Variants in NEMP2 observed in about 807,000 individuals in gnomAD.
NEMP2 encodes the protein UPF0571 transmembrane protein.
In NEMP2, 53 loss-of-function variants were observed where a neutral mutation model predicts 54.2. The ratio of observed to expected loss-of-function variants is 0.98; its 90% CI spans 0.78 to 1.23. NEMP2 has a LOEUF of 1.23. Among genes scored for constraint, NEMP2 ranks in the 50% most tolerant of loss-of-function variants. The pLI is 0.00. For synonymous variants in NEMP2, 197 were observed against 190.3 expected (o/e 1.04, Z -0.29); for missense variants, 455 against 511.3 (o/e 0.89, Z 1.06).
chr2:190,472,496 G>T, the NEMP2 span, among the ~76,000 whole-genome samples: 1 of 152,170 alleles, frequency 6.6e-6, no homozygotes, highest in Non-Finnish European at 1.5e-5. Flanking sequence ...AGTGATGGAA[G>T]ATCAAATGAA....
At chr2:190,436,161 A>G in the NEMP2 span, 1 of 1,614,224 alleles carries the variant, frequency 6.2e-7, no homozygotes, top group Non-Finnish European at 8.5e-7. This position sits in a 1 kb window ranked among gnomAD's most constrained non-coding sequence, Gnocchi z 5.3. Context: ...CTTCCTCCAC[A>G]GAAACATCTG....
chr2:190,426,150 C>CT, the NEMP2 span, among the ~76,000 whole-genome samples: 268 of 152,222 alleles, frequency 1.8e-3, no homozygotes, highest in African/African-American at 6.2e-3. The surrounding 1 kb of genome is among the most constrained non-coding windows in gnomAD (Gnocchi z 4.7). Flanking sequence ...TTTTCACTCC[C>CT]TTTTTTTCTC....
In NEMP2 at chr2:190,525,376, G is replaced by A. The variant is rs1046582006; in HGVS notation, c.100C>T (p.Arg34Cys). The change falls in exon 2 of 9, where the codon CGT (arginine) becomes TGT (cysteine). Residue 34 changes from arginine to cysteine, a missense_variant and splice_region_variant. Physicochemically the swap from Arg to Cys is radical, Grantham distance 180. Coordinates refer to ENST00000409150, the MANE Select transcript of NEMP2 (RefSeq NM_001142645.2). The surrounding 1 kb of genome is among the most constrained non-coding windows in gnomAD (Gnocchi z 5.0). ...GEAAAAALSV[R>C]RCKALKEKDL... Reference sequence around the variant, plus strand: ...TTTTCCTTCAAAGCTTTACACCTACGAACTGAGAGATGGAAAAGGGAATGC... The same window carrying A: ...TTTTCCTTCAAAGCTTTACACCTACAAACTGAGAGATGGAAAAGGGAATGC... 8.7e-6 allele frequency: 13 copies of A among 1,497,842 alleles called. No homozygotes were observed. Among genetic ancestry groups the A allele is most frequent in the African/African-American group, 7.0e-5 (5 of 71,782 alleles). The allele number at this position is 1,497,842 out of a possible 1,614,324, so 92.8% of individuals were successfully genotyped here.
rs1052308079 is a variant in NEMP2, at chr2:190,512,645, G to A, written c.953+1808C>T. Among the ~76,000 whole-genome samples, 4 of 152,324 alleles carry A rather than the reference G, an allele frequency of 2.6e-5. No homozygotes were observed. Among genetic ancestry groups the A allele is most frequent in the Non-Finnish European group, 5.9e-5 (4 of 68,018 alleles). ...TTGGCAGGGAGCTGGATGGTTAAAG[G>A]GAAGGAAGAAGGAACTCTATCCTGA... On this transcript the variant is annotated intron_variant, in intron 7 of 8. Coordinates refer to ENST00000409150, the MANE Select transcript of NEMP2 (RefSeq NM_001142645.2). This position sits in a 1 kb window ranked among gnomAD's most constrained non-coding sequence, Gnocchi z 4.5.
chr2:190,619,020 T>A, the NEMP2 span, among the ~76,000 whole-genome samples: 1 of 152,346 alleles, frequency 6.6e-6, no homozygotes, highest in South Asian at 2.1e-4. The surrounding 1 kb of genome is among the most constrained non-coding windows in gnomAD (Gnocchi z 5.5). Flanking sequence ...CAGAGAATAA[T>A]CTCTCTTCTA....
At position 190,510,255 on chromosome 2, in the gene NEMP2, A is replaced by G; in HGVS notation, c.1130+106T>C. On this transcript the variant is annotated intron_variant, in intron 8 of 8. Transcript: ENST00000409150. The surrounding 1 kb of genome is among the most constrained non-coding windows in gnomAD (Gnocchi z 5.7). The stretch of plus-strand genomic sequence containing the variant: ...ACAACTTCCACATCATCTGTTATCC[A>G]GGGAAACAGTCTATTTCTACCCTGA... 1 of 1,333,964 alleles carries G rather than the reference A, an allele frequency of 7.5e-7. No homozygotes were observed. The highest frequency in any genetic ancestry group is 1.4e-5 in the South Asian group (1 of 69,206). The allele number at this position is 1,333,964 out of a possible 1,614,324, so 82.6% of individuals were successfully genotyped here.
At chr2:190,547,325 G>T in the NEMP2 span, among the ~76,000 whole-genome samples, 3 of 152,112 alleles carry the variant, frequency 2.0e-5, no homozygotes, top group Non-Finnish European at 4.4e-5. The surrounding 1 kb of genome is among the most constrained non-coding windows in gnomAD (Gnocchi z 6.2). Context: ...AAACTTTATG[G>T]TGACTTAATA....
chr2:190,426,447 A>T, the NEMP2 span, among the ~76,000 whole-genome samples: 2 of 152,002 alleles, frequency 1.3e-5, no homozygotes, highest in South Asian at 4.1e-4. The surrounding 1 kb of genome is among the most constrained non-coding windows in gnomAD (Gnocchi z 4.7). Flanking sequence ...AAGCATGTTT[A>T]TAATTGCCTA....
the NEMP2 span, among the ~76,000 whole-genome samples, chr2:190,474,362 A>C: frequency 2.0e-5 from 3 of 152,222 alleles, no homozygotes; most frequent in Non-Finnish European, 2.9e-5. Flanking sequence ...AAATAGACGC[A>C]ATAAAAAATG....
chr2:190,555,527 A>G, the NEMP2 span, among the ~76,000 whole-genome samples: 2 of 151,934 alleles, frequency 1.3e-5, no homozygotes, highest in African/African-American at 4.8e-5. This position sits in a 1 kb window ranked among gnomAD's most constrained non-coding sequence, Gnocchi z 4.8. Flanking sequence ...TGAAGCATAC[A>G]TAAGTATCAA....
chr2:190,586,789 TAG>T, the NEMP2 span, among the ~76,000 whole-genome samples: 4 of 152,070 alleles, frequency 2.6e-5, no homozygotes, highest in African/African-American at 9.7e-5. The surrounding 1 kb of genome is among the most constrained non-coding windows in gnomAD (Gnocchi z 4.5). Context: ...CACATAAAAA[TAG>T]AGTTAAAAAT....
At chr2:190,496,065 T>C in the NEMP2 span, among the ~76,000 whole-genome samples, 1 of 148,668 alleles carries the variant, frequency 6.7e-6, no homozygotes, top group African/African-American at 2.5e-5. The surrounding 1 kb of genome is among the most constrained non-coding windows in gnomAD (Gnocchi z 4.7). Flanking sequence ...ACCCACAGAG[T>C]GGGAGAAAAT....
chr2:190,479,603 T>G, the NEMP2 span, among the ~76,000 whole-genome samples: 1 of 152,212 alleles, frequency 6.6e-6, no homozygotes, highest in Non-Finnish European at 1.5e-5. Flanking sequence ...CCTCTGTGGG[T>G]GTTGGTTGCA....
chr2:190,445,097 G>A, the NEMP2 span, among the ~76,000 whole-genome samples: 1 of 152,132 alleles, frequency 6.6e-6, no homozygotes, highest in African/African-American at 2.4e-5. Flanking sequence ...CTTCCATCCT[G>A]CTTGTGCTCC....
chr2:190,479,287 C>A, the NEMP2 span, among the ~76,000 whole-genome samples: 1 of 152,176 alleles, frequency 6.6e-6, no homozygotes, highest in Non-Finnish European at 1.5e-5. Flanking sequence ...AATTCAGCTA[C>A]CATTTGCAGC....
the NEMP2 span, among the ~76,000 whole-genome samples, chr2:190,485,072 A>G: frequency 4.5e-4 from 69 of 152,332 alleles, no homozygotes; most frequent in East Asian, 0.012. The surrounding 1 kb of genome is among the most constrained non-coding windows in gnomAD (Gnocchi z 5.1). Context: ...AATACTAGTC[A>G]GTAAATTCTA....
At chr2:190,428,149 T>C in the NEMP2 span, among the ~76,000 whole-genome samples, 1 of 152,214 alleles carries the variant, frequency 6.6e-6, no homozygotes, top group African/African-American at 2.4e-5. Context: ...ATTATGTTTG[T>C]GAGATTCATC....
At chr2:190,562,661 ACT>A in the NEMP2 span, among the ~76,000 whole-genome samples, 1 of 152,094 alleles carries the variant, frequency 6.6e-6, no homozygotes, top group African/African-American at 2.4e-5. The surrounding 1 kb of genome is among the most constrained non-coding windows in gnomAD (Gnocchi z 5.0). Flanking sequence ...GGTCTCTATG[ACT>A]CTTTTTTGCC....
Position 190,518,745 on chromosome 2 carries a change from G to C in NEMP2, c.509C>G (p.Thr170Ser). 6.5e-7 allele frequency: 1 copy of C among 1,542,400 alleles called. No homozygotes were observed. Among genetic ancestry groups the C allele is most frequent in the Non-Finnish European group, 8.7e-7 (1 of 1,144,488 alleles). The change falls in exon 4 of 9, where the codon ACC (threonine) becomes AGC (serine). Residue 170 changes from threonine (T) to serine (S), a missense_variant. Physicochemically the swap from Thr to Ser is moderately conservative, Grantham distance 58. This residue lies in a region of NEMP2 where 294 missense variants were observed against 333.6 expected (regional missense o/e 0.88). Transcript: ENST00000409150. ...AAAAAGGAATACTTACTGACTCAGG[G>C]TCCTTGCATAAAAGAAAAGAAAAAC... ...AGVFLFFYAR[T>S]LSQSPTFYYS... is the part of the protein sequence containing the mutation.
Sources: gnomAD v4.1 joint callset for allele counts (sites outside exome capture counted in the v4.1 genomes callset) on GRCh38, gnomAD v4.1.1 for gene constraint, gnomAD v4.1.1 regional missense constraint, Gnocchi (gnomAD v3.1) non-coding constraint, MANE v1.5 for transcripts, NCBI Gene and HGNC (gene_info 2026-07-23, HGNC 2026-07-21) for gene names.